The following MAGI2 variants were observed in gnomAD, a reference collection of about 807,000 sequenced individuals.
The protein encoded by MAGI2 is membrane associated guanylate kinase, WW and PDZ domain containing 2, also known as membrane-associated guanylate kinase, WW and PDZ domain-containing protein 2.
In MAGI2, 35 loss-of-function variants were observed where a neutral mutation model predicts 133.3. The ratio of observed to expected loss-of-function variants is 0.26; its 90% CI spans 0.20 to 0.35. The LOEUF (loss-of-function observed/expected upper bound fraction) is 0.35. MAGI2 is among the 10% of genes least tolerant of loss of function. The pLI is 1.00. For missense variants in MAGI2, 1,636 were observed against 1,863.4 expected (o/e 0.88, Z 2.25); for synonymous variants, 729 against 710.6 (o/e 1.03, Z -0.41).
chr7:79,286,236 G>T (rs1465402680), intron 1 of MAGI2, among the ~76,000 whole-genome samples: 1 of 152,058 alleles, frequency 6.6e-6, no homozygotes, highest in Non-Finnish European at 1.5e-5. Context: ...ATAAATATAA[G>T]TAATAAATAT....
intron 21 of MAGI2, among the ~76,000 whole-genome samples, chr7:78,068,082 T>C (rs1460871000): frequency 6.6e-6 from 1 of 152,198 alleles, no homozygotes; most frequent in African/African-American, 2.4e-5. Flanking sequence ...ACTAGTTTTG[T>C]GGAAGAGAAT....
At chr7:78,762,744 T>C (rs1012321478) in intron 2 of MAGI2, among the ~76,000 whole-genome samples, 1 of 152,324 alleles carries the variant, frequency 6.6e-6, no homozygotes, top group African/African-American at 2.4e-5. Flanking sequence ...GGTATGAATA[T>C]GTGTGAACAG....
At chr7:79,066,864 G>T (rs922566349) in intron 1 of MAGI2, among the ~76,000 whole-genome samples, 9 of 152,204 alleles carry the variant, frequency 5.9e-5, no homozygotes, top group Admixed American at 5.9e-4. Flanking sequence ...ATTAAATAGG[G>T]AATCCTTTCC....
chr7:79,401,362 T>C (rs891261516), intron 1 of MAGI2, among the ~76,000 whole-genome samples: 5 of 152,210 alleles, frequency 3.3e-5, no homozygotes, highest in African/African-American at 1.2e-4. Context: ...TGGAAGGATA[T>C]GCTGTTTCTC....
chr7:79,431,642 C>T (rs1392872473), intron 1 of MAGI2, among the ~76,000 whole-genome samples: 2 of 152,084 alleles, frequency 1.3e-5, no homozygotes, highest in Non-Finnish European at 2.9e-5. Context: ...AGCAATTAGT[C>T]TTGAAACATT....
rs1793775734 is a variant in MAGI2 at position 78,264,127 on chromosome 7, C to A, written c.1409-7546G>T. Among the ~76,000 whole-genome samples, 4 of 152,242 alleles carry A rather than the reference C, an allele frequency of 2.6e-5. No homozygotes were observed. The South Asian group carries it at 8.3e-4, about 32-fold the overall frequency. On this transcript the variant is annotated intron_variant, in intron 9 of 21. Transcript: ENST00000354212. ...TAACCACACTAACAGCATTGACTAC[C>A]ATTTTAATATACTTAATATTTATCT...
At chr7:79,394,060 C>A (rs1844866154) in intron 1 of MAGI2, among the ~76,000 whole-genome samples, 2 of 152,132 alleles carry the variant, frequency 1.3e-5, no homozygotes, top group Non-Finnish European at 1.5e-5. Flanking sequence ...CACTGGTGTA[C>A]AAGAGTTCTT....
chr7:78,163,637 C>T lies in MAGI2; in HGVS notation c.2597-3364G>A, dbSNP rs138289091. Reference sequence around the variant, plus strand: ...GCACAGTGCTGGCCTATATTTCATTCGATAATTGTTAAAACTAATTGCCCT... The same window carrying T: ...GCACAGTGCTGGCCTATATTTCATTTGATAATTGTTAAAACTAATTGCCCT... On this transcript the variant is annotated intron_variant, in intron 15 of 21. Coordinates refer to ENST00000354212, the MANE Select transcript of MAGI2 (RefSeq NM_012301.4). Among the ~76,000 whole-genome samples the T allele has an allele frequency of 1.3e-3, 196 of 152,086 alleles. 1 individual carries two copies. Among genetic ancestry groups the T allele is most frequent in the African/African-American group, 4.1e-3 (171 of 41,504 alleles).
intron 1 of MAGI2, among the ~76,000 whole-genome samples, chr7:79,094,177 T>G (rs1471826512): frequency 2.6e-5 from 4 of 152,218 alleles, no homozygotes; most frequent in Non-Finnish European, 5.9e-5. Flanking sequence ...CAACTAAGTT[T>G]TTGAAATATT....
At chr7:79,141,128 C>G (rs879645365) in intron 1 of MAGI2, among the ~76,000 whole-genome samples, 3 of 152,184 alleles carry the variant, frequency 2.0e-5, no homozygotes, top group Non-Finnish European at 4.4e-5. Context: ...TCTAGGCAAG[C>G]TATTTTCTCC....
At chr7:78,055,523 G>C (rs1318342237) in intron 21 of MAGI2, among the ~76,000 whole-genome samples, 2 of 152,138 alleles carry the variant, frequency 1.3e-5, no homozygotes, top group African/African-American at 4.8e-5. Flanking sequence ...CTGGGCTACT[G>C]TCTATAATAA....
intron 1 of MAGI2, among the ~76,000 whole-genome samples, chr7:79,235,049 T>G (rs1450630572): frequency 1.3e-5 from 2 of 151,792 alleles, no homozygotes; most frequent in Non-Finnish European, 2.9e-5. Flanking sequence ...TGGAATACCC[T>G]GCCGTGTGAG....
chr7:78,561,731 G>A (rs56028221), intron 3 of MAGI2, among the ~76,000 whole-genome samples: 14,764 of 152,134 alleles, frequency 0.097, 927 homozygotes, highest in Non-Finnish European at 0.14. Flanking sequence ...TTCAACCAAC[G>A]CAGGAAGCAA....
At chr7:78,552,407 T>C (rs1406928633) in intron 3 of MAGI2, among the ~76,000 whole-genome samples, 2 of 152,078 alleles carry the variant, frequency 1.3e-5, no homozygotes, top group Non-Finnish European at 1.5e-5. Context: ...GGTCTTGAAC[T>C]CCTGACCTCA....
At chr7:78,295,500 G>A (rs555756627) in intron 9 of MAGI2, among the ~76,000 whole-genome samples, 18 of 152,118 alleles carry the variant, frequency 1.2e-4, no homozygotes, top group Non-Finnish European at 1.6e-4. Context: ...CTTATTCAGC[G>A]TCCTCAGTAT....
intron 1 of MAGI2, among the ~76,000 whole-genome samples, chr7:79,015,774 A>C (rs12113491): frequency 2.6e-5 from 4 of 151,858 alleles, no homozygotes; most frequent in Non-Finnish European, 5.9e-5. Context: ...GGCAACTGAA[A>C]TGCACAATTT....
At chr7:78,631,806 A>T (rs1159127772) in intron 2 of MAGI2, among the ~76,000 whole-genome samples, 1 of 152,212 alleles carries the variant, frequency 6.6e-6, no homozygotes, top group East Asian at 1.9e-4. Context: ...AGGAGAAACT[A>T]CCTTTAAAAT....
chr7:78,703,852 T>G (rs540151225), intron 2 of MAGI2, among the ~76,000 whole-genome samples: 37 of 151,754 alleles, frequency 2.4e-4, no homozygotes, highest in African/African-American at 8.7e-4. Flanking sequence ...ACACACACTT[T>G]TCTTCAATGA....
chr7:78,686,727 C>T (rs1322722901), intron 2 of MAGI2, among the ~76,000 whole-genome samples: 4 of 152,110 alleles, frequency 2.6e-5, no homozygotes, highest in Non-Finnish European at 5.9e-5. Flanking sequence ...ATTTAGCTAT[C>T]TTCATATGAC....
Sources: allele counts gnomAD v4.1 joint callset (sites outside exome capture counted in the v4.1 genomes callset), GRCh38; gene constraint gnomAD v4.1.1; transcripts MANE v1.5; gene names NCBI Gene and HGNC (gene_info 2026-07-23, HGNC 2026-07-21).